Variants in WWC1 observed in about 807,000 individuals in gnomAD.
WWC1 encodes the protein WW and C2 domain containing 1.
In WWC1, 55 loss-of-function variants were observed where a neutral mutation model predicts 138.4. The observed-to-expected ratio is 0.40, with a 90% CI of 0.32 to 0.50. WWC1 has a LOEUF of 0.50. Ranked by LOEUF, WWC1 falls within the 20% of genes least tolerant of loss-of-function variation. The pLI is 0.72. For missense variants in WWC1, 1,226 were observed against 1,420.4 expected (o/e 0.86, Z 2.20); for synonymous variants, 524 against 564.9 (o/e 0.93, Z 1.03).
At position 168,469,392 on chromosome 5, in the gene WWC1, C is replaced by T. The variant is rs1757568449; in HGVS notation, c.*375C>T. ...TTGTACAGCTCCACCTTTTAGAGGTCTTACTGCAATAAGAAGTAATGCCTG... is the reference window on the plus strand; with the variant it reads ...TTGTACAGCTCCACCTTTTAGAGGTTTTACTGCAATAAGAAGTAATGCCTG... On this transcript the variant is annotated 3_prime_UTR_variant, in exon 23 of 23. Transcript: ENST00000265293. The T allele has an allele frequency of 5.0e-6, 1 of 199,044 alleles. No homozygotes were observed. Among genetic ancestry groups the T allele is most frequent in the Non-Finnish European group, 1.0e-5 (1 of 96,576 alleles). The allele number at this position is 199,044 out of a possible 1,614,324, so 12.3% of individuals were successfully genotyped here. A position where few individuals can be genotyped will look rare whatever the true frequency, so the allele number is the denominator to read the frequency against.
intron 9 of WWC1, among the ~76,000 whole-genome samples, chr5:168,419,481 A>G (rs555724362): frequency 6.6e-6 from 1 of 152,306 alleles, no homozygotes; most frequent in South Asian, 2.1e-4. Flanking sequence ...TGCCATCCCC[A>G]TACAGTGCAG....
intron 18 of WWC1, 57 bp from the exon 19 acceptor site, chr5:168,455,299 G>A (rs1756206130): frequency 6.6e-6 from 10 of 1,517,702 alleles, no homozygotes; most frequent in Non-Finnish European, 7.9e-6. Context: ...GTGGTCTCTG[G>A]TGGGTGGCTG....
chr5:168,428,345 G>T (rs1353036040), intron 12 of WWC1, among the ~76,000 whole-genome samples: 1 of 152,166 alleles, frequency 6.6e-6, no homozygotes, highest in Non-Finnish European at 1.5e-5. Context: ...CTTCAGGTTT[G>T]GGGGAGTGCT....
intron 16 of WWC1, 122 bp downstream of exon 16, chr5:168,441,956 G>A (rs1458885133): frequency 1.2e-5 from 16 of 1,376,640 alleles, no homozygotes; most frequent in Non-Finnish European, 1.5e-5. Context: ...GGTGGAGGAA[G>A]TAGGAGAAGA....
At chr5:168,319,301 TC>T (rs1251507948) in intron 1 of WWC1, among the ~76,000 whole-genome samples, 2 of 152,202 alleles carry the variant, frequency 1.3e-5, no homozygotes, top group African/African-American at 4.8e-5. Context: ...GTGCCTGTAA[TC>T]CCAGCTCCTC....
chr5:168,423,918 C>CCCCT lies in WWC1; in HGVS notation c.1663_1666dup (p.Leu556ProfsTer5). On this transcript the variant is annotated frameshift_variant, in exon 11 of 23. Transcript: ENST00000265293. LOFTEE classifies it high-confidence loss of function. ...ACCCTGTTCCCCTCTCATGGCTGAC[C>CCCCT]CCCTCCTGGCTGGTGATGCCTTCCT... 1 of 1,614,182 alleles carries CCCCT rather than the reference C, an allele frequency of 6.2e-7. No homozygotes were observed. Among genetic ancestry groups the CCCCT allele is most frequent in the Non-Finnish European group, 8.5e-7 (1 of 1,180,034 alleles).
intron 15 of WWC1, among the ~76,000 whole-genome samples, chr5:168,433,041 A>T (rs1044719541): frequency 3.3e-5 from 5 of 152,342 alleles, no homozygotes; most frequent in East Asian, 3.9e-4. Flanking sequence ...GTGGGGCCAC[A>T]TCCTTGGATT....
At position 168,408,538 on chromosome 5, in the gene WWC1, C is replaced by T; in HGVS notation, c.752C>T (p.Thr251Ile). 1 of 1,614,136 alleles carries T rather than the reference C, an allele frequency of 6.2e-7. No homozygotes were observed. The highest frequency in any genetic ancestry group is 8.5e-7 in the Non-Finnish European group (1 of 1,179,994). Residue 251 changes from threonine (T) to isoleucine (I), a missense_variant, in exon 7 of 23, where the codon ACT (threonine) becomes ATT (isoleucine). This residue lies in a region of WWC1 where 1,016 missense variants were observed against 1,153.9 expected (regional missense o/e 0.88). Transcript: ENST00000265293. Reference sequence around the variant, plus strand: ...GCCATGTTGAAGGACGGCTTCCGCACTGACAGGGGGTCTCACTCAGACCTG... The same window carrying T: ...GCCATGTTGAAGGACGGCTTCCGCATTGACAGGGGGTCTCACTCAGACCTG... ...SLAMLKDGFR[T>I]DRGSHSDLWS...
At chr5:168,391,718 C>T (rs1016864141) in intron 3 of WWC1, among the ~76,000 whole-genome samples, 2 of 121,406 alleles carry the variant, frequency 1.6e-5, no homozygotes, top group Middle Eastern at 4.3e-3. Context: ...TGATTTTACT[C>T]ACTGCAAAAC....
intron 1 of WWC1, among the ~76,000 whole-genome samples, chr5:168,345,810 C>G (rs1774420288): frequency 6.6e-6 from 1 of 152,150 alleles, no homozygotes; most frequent in Non-Finnish European, 1.5e-5. Context: ...AAGTGATCAT[C>G]TAAGTGCAGG....
intron 2 of WWC1, among the ~76,000 whole-genome samples, chr5:168,381,509 A>G (rs1270460866): frequency 6.6e-6 from 1 of 152,164 alleles, no homozygotes; most frequent in Non-Finnish European, 1.5e-5. Flanking sequence ...GCACACTGGA[A>G]TTATTTGGGG....
At chr5:168,368,298 A>G (rs935449304) in intron 1 of WWC1, among the ~76,000 whole-genome samples, 9 of 152,110 alleles carry the variant, frequency 5.9e-5, no homozygotes, top group African/African-American at 7.2e-5. Context: ...TATTCATTAC[A>G]TTATTCACCC....
intron 15 of WWC1, among the ~76,000 whole-genome samples, chr5:168,433,696 C>T (rs1196532992): frequency 1.3e-5 from 2 of 152,150 alleles, no homozygotes; most frequent in Non-Finnish European, 2.9e-5. Flanking sequence ...CACCACCACA[C>T]CCGGCTAATT....
At chr5:168,338,000 T>C (rs1305922141) in intron 1 of WWC1, among the ~76,000 whole-genome samples, 1 of 151,826 alleles carries the variant, frequency 6.6e-6, no homozygotes, top group East Asian at 1.9e-4. Context: ...TGGGCAAGAG[T>C]GTGCAGTTTG....
chr5:168,386,335 GT>G lies in WWC1; in HGVS notation c.433+922del, dbSNP rs1287090242. On this transcript the variant is annotated intron_variant, in intron 3 of 22. Transcript: ENST00000265293. The stretch of plus-strand genomic sequence containing the variant: ...GAGTGGGGCTCCTATCCTATCCCTG[GT>G]ACCCAAAGGAGGAGAGCAAGCATGC... 2.7e-5 allele frequency among the ~76,000 whole-genome samples: 4 copies of G among 150,716 alleles called. No homozygotes were observed. The East Asian group carries it at 7.8e-4, about 30-fold the overall frequency.
chr5:168,385,855 A>C (rs1198365752), intron 3 of WWC1, among the ~76,000 whole-genome samples: 1 of 152,188 alleles, frequency 6.6e-6, no homozygotes. Context: ...GAATATATTT[A>C]CCGCAATTTC....
At chr5:168,338,800 A>G (rs1773727813) in intron 1 of WWC1, among the ~76,000 whole-genome samples, 2 of 152,338 alleles carry the variant, frequency 1.3e-5, no homozygotes, top group South Asian at 2.1e-4. Context: ...TCATAGAAGT[A>G]AAAAGTAGAA....
intron 21 of WWC1, 113 bp from the exon 22 acceptor site, chr5:168,467,727 C>A: frequency 6.8e-7 from 1 of 1,465,550 alleles, no homozygotes; most frequent in Non-Finnish European, 9.3e-7. Flanking sequence ...CCACATGGAG[C>A]AAGAGTGAGG....
intron 11 of WWC1, among the ~76,000 whole-genome samples, chr5:168,425,616 C>T (rs911845584): frequency 1.6e-4 from 24 of 151,782 alleles, no homozygotes; most frequent in Admixed American, 7.2e-4. Context: ...GTCAGCCTCC[C>T]GAGTAGCTGG....
Sources: gnomAD v4.1 joint callset for allele counts (sites outside exome capture counted in the v4.1 genomes callset) on GRCh38, gnomAD v4.1.1 for gene constraint, gnomAD v4.1.1 regional missense constraint, MANE v1.5 for transcripts, NCBI Gene and HGNC (gene_info 2026-07-23, HGNC 2026-07-21) for gene names.